The following MAPK10 variants were observed in gnomAD, a reference collection of about 807,000 sequenced individuals.
MAPK10 encodes mitogen-activated protein kinase 10, also known as JNK3 alpha protein kinase.
MAPK10 carries 25 observed loss-of-function variants against 59.3 expected under a neutral mutation model. That is an observed-to-expected ratio of 0.42 (90% CI 0.31 to 0.59). The LOEUF (loss-of-function observed/expected upper bound fraction) is 0.59. Ranked by LOEUF, MAPK10 falls within the 20% of genes least tolerant of loss-of-function variation. MAPK10 has a pLI of 0.15. For synonymous variants in MAPK10, 190 were observed against 200.5 expected (o/e 0.95, Z 0.44); for missense variants, 351 against 568.9 (o/e 0.62, Z 3.90).
chr4:86,555,590 A>G (rs1760201938), intron 1 of MAPK10, among the ~76,000 whole-genome samples: 1 of 152,360 alleles, frequency 6.6e-6, no homozygotes, highest in African/African-American at 2.4e-5. Context: ...TTAGCCTGAA[A>G]TAAATTCTTG....
intron 1 of MAPK10, among the ~76,000 whole-genome samples, chr4:86,580,316 T>G (rs1298289348): frequency 6.6e-6 from 1 of 152,018 alleles, no homozygotes; most frequent in Non-Finnish European, 1.5e-5. Context: ...CTGATCAACA[T>G]GGCAAAACCC....
chr4:86,498,711 G>T (rs1373039787), intron 1 of MAPK10, among the ~76,000 whole-genome samples: 1 of 152,202 alleles, frequency 6.6e-6, no homozygotes, highest in Non-Finnish European at 1.5e-5. Context: ...CCACAAATAT[G>T]TAGGGTACAC....
At chr4:86,415,853 C>T (rs765486636) in intron 1 of MAPK10, among the ~76,000 whole-genome samples, 11 of 152,190 alleles carry the variant, frequency 7.2e-5, no homozygotes, top group Non-Finnish European at 1.5e-4. Context: ...CCAGAGCGAA[C>T]TATGTACCTA....
intron 1 of MAPK10, among the ~76,000 whole-genome samples, chr4:86,375,324 G>A (rs1739611871): frequency 6.6e-6 from 1 of 152,074 alleles, no homozygotes; most frequent in Non-Finnish European, 1.5e-5. Flanking sequence ...AATGAGCCAG[G>A]TTACTCACTA....
In MAPK10 at chr4:86,064,396, A is replaced by G. The variant is rs948635082; in HGVS notation, c.986-6T>C. 1 of 1,611,148 alleles carries G rather than the reference A, an allele frequency of 6.2e-7. No individual in the cohort carries two copies. Among genetic ancestry groups the G allele is most frequent in the Non-Finnish European group, 8.5e-7 (1 of 1,179,258 alleles). ...CAAGTCCCTGGCTTGGCTGGCTGAA[A>G]CAATAAATGAGAAAAACAATTAGTA... On this transcript the variant is annotated splice_polypyrimidine_tract_variant and splice_region_variant and intron_variant, in intron 10 of 13. Coordinates refer to ENST00000641462, the MANE Select transcript of MAPK10 (RefSeq NM_138982.4).
At chr4:86,571,542 T>C (rs1761455978) in intron 1 of MAPK10, among the ~76,000 whole-genome samples, 1 of 152,110 alleles carries the variant, frequency 6.6e-6, no homozygotes, top group Admixed American at 6.5e-5. Context: ...GGAAAGCATA[T>C]GATCAAGTAA....
chr4:86,528,260 A>G (rs775120817), intron 1 of MAPK10, among the ~76,000 whole-genome samples: 62 of 152,152 alleles, frequency 4.1e-4, no homozygotes, highest in Non-Finnish European at 7.6e-4. Flanking sequence ...TATTTCTTGC[A>G]TATGTTCATC....
chr4:86,057,141 T>A (rs1367902074), intron 11 of MAPK10, among the ~76,000 whole-genome samples: 5 of 148,694 alleles, frequency 3.4e-5, no homozygotes, highest in Non-Finnish European at 5.9e-5. Context: ...AGAGATGGGG[T>A]TTTGCCGTGT....
At chr4:86,085,710 G>A (rs1216551050) in intron 9 of MAPK10, among the ~76,000 whole-genome samples, 1 of 152,056 alleles carries the variant, frequency 6.6e-6, no homozygotes, top group Non-Finnish European at 1.5e-5. Flanking sequence ...TAAAAATAGA[G>A]CTACCATATG....
At chr4:86,190,742 C>T (rs757544975) in intron 3 of MAPK10, among the ~76,000 whole-genome samples, 1 of 152,002 alleles carries the variant, frequency 6.6e-6, no homozygotes, top group Admixed American at 6.6e-5. Context: ...GTGTATCTAT[C>T]CTTCAGTTCT....
chr4:86,446,473 C>A (rs1196949025), intron 1 of MAPK10, among the ~76,000 whole-genome samples: 1 of 152,100 alleles, frequency 6.6e-6, no homozygotes, highest in Non-Finnish European at 1.5e-5. Context: ...GCCTTGGCCT[C>A]CCAAAGCTCT....
intron 2 of MAPK10, chr4:86,327,625 A>G (rs2148905749): frequency 6.6e-6 from 1 of 151,938 alleles, no homozygotes; most frequent in East Asian, 1.9e-4. Context: ...TTAATTAAGT[A>G]GTGTGCTACT....
intron 1 of MAPK10, among the ~76,000 whole-genome samples, chr4:86,525,863 T>G (rs1340786668): frequency 6.6e-6 from 1 of 152,184 alleles, no homozygotes; most frequent in Admixed American, 6.5e-5. Flanking sequence ...TCTGAAGATT[T>G]TTCTGAACAT....
chr4:86,198,083 G>A (rs2081790149), intron 2 of MAPK10, among the ~76,000 whole-genome samples: 3 of 152,120 alleles, frequency 2.0e-5, no homozygotes, highest in Admixed American at 2.0e-4. Flanking sequence ...CCTGTTGGAA[G>A]GCAATTCTCT....
chr4:86,098,750 C>T (rs1048896783), intron 8 of MAPK10, 155 bp from the exon 9 acceptor site: 4 of 637,412 alleles, frequency 6.3e-6, no homozygotes, highest in East Asian at 2.7e-5. Flanking sequence ...TTCAAACCAG[C>T]GCTATGCTAT....
chr4:86,305,757 G>A (rs537909712), intron 2 of MAPK10, among the ~76,000 whole-genome samples: 11 of 150,422 alleles, frequency 7.3e-5, no homozygotes, highest in African/African-American at 2.7e-4. Flanking sequence ...AGGCGGAGGT[G>A]TCAGTGAGCC....
chr4:86,446,058 A>T (rs1398176279), intron 1 of MAPK10, among the ~76,000 whole-genome samples: 1 of 152,184 alleles, frequency 6.6e-6, no homozygotes. Flanking sequence ...TTGATGATCG[A>T]TTATAGCTTA....
intron 1 of MAPK10, among the ~76,000 whole-genome samples, chr4:86,527,267 G>A (rs142244427): frequency 4.7e-5 from 6 of 128,404 alleles, no homozygotes; most frequent in African/African-American, 9.1e-5. Flanking sequence ...AGCTGTAATC[G>A]TCCCACTGTA....
chr4:86,161,733 T>C (rs561933540), intron 3 of MAPK10, among the ~76,000 whole-genome samples: 10 of 152,230 alleles, frequency 6.6e-5, no homozygotes, highest in Admixed American at 5.9e-4. Context: ...CTTCCCTTAC[T>C]TATTCCCTTC....
Sources: allele counts gnomAD v4.1 joint callset (sites outside exome capture counted in the v4.1 genomes callset), GRCh38; gene constraint gnomAD v4.1.1; transcripts MANE v1.5; gene names NCBI Gene and HGNC (gene_info 2026-07-23, HGNC 2026-07-21).